Variants in RNFT2 observed in about 807,000 individuals in gnomAD.
RNFT2 encodes ring finger protein, transmembrane 2, also known as E3 ubiquitin-protein ligase RNFT2.
In RNFT2, 36 loss-of-function variants were observed where a neutral mutation model predicts 53.0. That is an observed-to-expected ratio of 0.68 (90% confidence interval 0.52 to 0.90). RNFT2 has a LOEUF of 0.90. Among genes scored for constraint, RNFT2 ranks in the 40% least tolerant of loss-of-function variants. RNFT2 has a pLI of 0.00. For synonymous variants in RNFT2, 260 were observed against 253.2 expected (o/e 1.03, Z -0.26); for missense variants, 514 against 585.6 (o/e 0.88, Z 1.26).
chr12:116,849,212 G>A, intron 10 of RNFT2, 102 bp from the exon 11 acceptor site: 1 of 929,208 alleles, frequency 1.1e-6, no homozygotes, highest in Middle Eastern at 2.2e-4. Flanking sequence ...CGCCCCGAAG[G>A]CAGGGGTTGT....
rs879827142 is a variant in RNFT2 at position 116,789,341 on chromosome 12, A to G, written c.882+9993A>G. Among the ~76,000 whole-genome samples the G allele has an allele frequency of 6.5e-3, 551 of 84,814 alleles. No homozygotes were observed. In the Middle Eastern group the frequency reaches 0.073, roughly 11 times the overall value. The allele number at this position is 84,814 out of a possible 152,430, so 55.6% of individuals were successfully genotyped here. On this transcript the variant is annotated intron_variant, in intron 7 of 10. Coordinates refer to ENST00000257575, the MANE Select transcript of RNFT2 (RefSeq NM_001382266.1). Reference sequence around the variant, plus strand: ...TGGATGGATGGATGGGTAAATGGAAAGAGAGTGGATGGGTGGATGGGTAAA... The same window carrying G: ...TGGATGGATGGATGGGTAAATGGAAGGAGAGTGGATGGGTGGATGGGTAAA...
At chr12:116,845,924 C>A (rs1434357324) in intron 10 of RNFT2, among the ~76,000 whole-genome samples, 1 of 152,102 alleles carries the variant, frequency 6.6e-6, no homozygotes, top group East Asian at 1.9e-4. Flanking sequence ...TATCTCTATC[C>A]CATCCCCTCT....
intron 5 of RNFT2, among the ~76,000 whole-genome samples, chr12:116,762,441 G>C (rs1872726745): frequency 6.6e-6 from 1 of 151,942 alleles, no homozygotes; most frequent in Non-Finnish European, 1.5e-5. Context: ...TGCATACAAG[G>C]TGTTTAGCAC....
chr12:116,846,967 G>A (rs1042905510), intron 10 of RNFT2, among the ~76,000 whole-genome samples: 4 of 149,648 alleles, frequency 2.7e-5, no homozygotes, highest in Non-Finnish European at 4.4e-5. Flanking sequence ...GGAGTGCAGT[G>A]GCGCGATCTT....
At chr12:116,753,451 G>A (rs1211850181) in intron 4 of RNFT2, among the ~76,000 whole-genome samples, 1 of 152,088 alleles carries the variant, frequency 6.6e-6, no homozygotes, top group Non-Finnish European at 1.5e-5. Context: ...GCACCCAGCG[G>A]TGAGTTTTTT....
chr12:116,803,486 A>G (rs968071245), intron 7 of RNFT2, among the ~76,000 whole-genome samples: 1 of 152,136 alleles, frequency 6.6e-6, no homozygotes, highest in African/African-American at 2.4e-5. Context: ...CCTTTTAGAG[A>G]AATAAAAGCC....
At chr12:116,766,265 G>GA (rs1441459935) in intron 5 of RNFT2, among the ~76,000 whole-genome samples, 2 of 150,766 alleles carry the variant, frequency 1.3e-5, no homozygotes, top group Non-Finnish European at 3.0e-5. Context: ...CTAGGGAACA[G>GA]AAAAAAAAAT....
intron 10 of RNFT2, among the ~76,000 whole-genome samples, chr12:116,842,551 C>G (rs1485456004): frequency 2.0e-5 from 3 of 149,256 alleles, no homozygotes; most frequent in Non-Finnish European, 3.0e-5. Context: ...CATGTTCCTA[C>G]TTTATTTTAT....
chr12:116,830,013 C>G (rs1009613270), intron 7 of RNFT2, among the ~76,000 whole-genome samples: 1 of 151,754 alleles, frequency 6.6e-6, no homozygotes, highest in Admixed American at 6.6e-5. Flanking sequence ...ATAATATGAG[C>G]ATTTGCTTGG....
At chr12:116,752,992 A>G (rs530534550) in intron 4 of RNFT2, among the ~76,000 whole-genome samples, 1 of 152,314 alleles carries the variant, frequency 6.6e-6, no homozygotes, top group African/African-American at 2.4e-5. Flanking sequence ...CTTGGCAAAC[A>G]GTGGCAATGA....
intron 7 of RNFT2, among the ~76,000 whole-genome samples, chr12:116,804,999 C>T (rs1297642888): frequency 1.3e-5 from 2 of 152,162 alleles, no homozygotes; most frequent in African/African-American, 4.8e-5. Context: ...ATTTACACTT[C>T]TTCCAATGCT....
In RNFT2 at chr12:116,750,160, C is replaced by G. The variant is rs1186660404; in HGVS notation, c.403C>G (p.Arg135Gly). ...SLLQHVGGDH[R>G]GHSEEGGDEQ... ...GCTGCAGCACGTGGGTGGGGACCACCGGGGGCACTCGGAGGAGGGAGGCGA... is the reference window on the plus strand; with the variant it reads ...GCTGCAGCACGTGGGTGGGGACCACGGGGGGCACTCGGAGGAGGGAGGCGA... Residue 135 changes from arginine to glycine, a missense_variant, in exon 4 of 11, where the codon CGG becomes GGG. Arg to Gly is a moderately radical substitution (Grantham distance 125, BLOSUM62 -2). Around this residue, in one of 3 missense-constraint regions of RNFT2, gnomAD observed 237 missense variants for 235.1 expected, o/e 1.01. Coordinates refer to ENST00000257575, the MANE Select transcript of RNFT2 (RefSeq NM_001382266.1). The G allele has an allele frequency of 7.5e-6, 12 of 1,589,602 alleles. No individual in the cohort carries two copies. Among genetic ancestry groups the G allele is most frequent in the Non-Finnish European group, 1.0e-5 (12 of 1,173,736 alleles).
chr12:116,748,699 C>T (rs1872028595), intron 3 of RNFT2: 3 of 451,948 alleles, frequency 6.6e-6, no homozygotes, highest in East Asian at 7.1e-5. Context: ...AACTGGGGGC[C>T]ATTGAACTTG....
intron 7 of RNFT2, among the ~76,000 whole-genome samples, chr12:116,830,920 AGAG>A (rs1158766748): frequency 6.6e-6 from 1 of 150,924 alleles, no homozygotes; most frequent in Non-Finnish European, 1.5e-5. Flanking sequence ...AAAAAAAAAA[AGAG>A]AGAGAGAGAA....
At chr12:116,786,762 T>C (rs1346539653) in intron 7 of RNFT2, among the ~76,000 whole-genome samples, 1 of 152,142 alleles carries the variant, frequency 6.6e-6, no homozygotes, top group Non-Finnish European at 1.5e-5. Context: ...AAGCCAGAAA[T>C]CCAAAATCAG....
At chr12:116,789,599 G>A (rs1356392733) in intron 7 of RNFT2, among the ~76,000 whole-genome samples, 9 of 146,294 alleles carry the variant, frequency 6.2e-5, no homozygotes, top group Non-Finnish European at 1.0e-4. Flanking sequence ...GGAGAGTGGT[G>A]GGTGGATGGA....
At chr12:116,833,108 G>A (rs566427460) in intron 7 of RNFT2, among the ~76,000 whole-genome samples, 1 of 152,040 alleles carries the variant, frequency 6.6e-6, no homozygotes, top group Admixed American at 6.6e-5. Flanking sequence ...TAGTAGAGTT[G>A]GGGGTTCGCC....
intron 7 of RNFT2, among the ~76,000 whole-genome samples, chr12:116,785,293 G>GTTTTGTTTTGTTTTGT (rs1555261563): frequency 5.5e-5 from 8 of 146,254 alleles, no homozygotes; most frequent in African/African-American, 2.1e-4. Context: ...GGGGTTGTTT[G>GTTTTGTTTTGTTTTGT]TTTGTTTTGT....
intron 6 of RNFT2, among the ~76,000 whole-genome samples, chr12:116,772,064 C>G (rs1873225459): frequency 6.8e-6 from 1 of 147,314 alleles, no homozygotes; most frequent in South Asian, 2.2e-4. Context: ...GCTGCCCCAT[C>G]AATATTTGTC....
Sources: allele counts gnomAD v4.1 joint callset (sites outside exome capture counted in the v4.1 genomes callset), GRCh38; gene constraint gnomAD v4.1.1; regional missense constraint gnomAD v4.1.1; transcripts MANE v1.5; gene names NCBI Gene and HGNC (gene_info 2026-07-23, HGNC 2026-07-21).